GPR108: variants seen among roughly 807,000 people sequenced by gnomAD.
The protein encoded by GPR108 is protein GPR108.
GPR108 carries 60 observed loss-of-function variants against 74.3 expected under a neutral mutation model. That is an observed-to-expected ratio of 0.81 (90% CI 0.66 to 1.00). The LOEUF (loss-of-function observed/expected upper bound fraction) is 1.00, where lower values mean the gene tolerates loss of function less well. Ranked by LOEUF, GPR108 falls within the 50% of genes least tolerant of loss-of-function variation. GPR108 has a pLI of 0.00. For synonymous variants in GPR108, 311 were observed against 292.4 expected, an observed-to-expected ratio of 1.06 and a Z score of -0.65; for missense variants, 667 against 703.3, an observed-to-expected ratio of 0.95 and a Z score of 0.58.
rs563832565 is a variant in GPR108, at chr19:6,733,708, G to A, written c.619-34C>T. The A allele has an allele frequency of 4.4e-6, 7 of 1,599,682 alleles. No individual in the cohort carries two copies. The African/African-American group carries it at 6.7e-5, about 15-fold the overall frequency. ...GCGGGGAGAGAGGAGGGCTCAGCCT[G>A]GGGGACCCGTGGTCTGGGGCGACAA... On this transcript the variant is annotated intron_variant, in intron 7 of 17. Transcript: ENST00000264080.
chr19:6,733,706 C>G, intron 7 of GPR108, 32 bp from the exon 8 acceptor site: 1 of 1,602,702 alleles, frequency 6.2e-7, no homozygotes, highest in Non-Finnish European at 8.5e-7. Context: ...AGGGCTCAGC[C>G]TGGGGGACCC....
chr19:6,736,534 C>A (rs1302718372), intron 2 of GPR108, 58 bp downstream of exon 2: 4 of 1,555,164 alleles, frequency 2.6e-6, no homozygotes, highest in Non-Finnish European at 3.5e-6. Flanking sequence ...GAGCTGGGAA[C>A]CCAGAACCGG....
chr19:6,734,225 G>A lies in GPR108; in HGVS notation c.457C>T (p.Leu153Phe), dbSNP rs1968541033. The A allele has an allele frequency of 5.6e-6, 9 of 1,614,210 alleles. No individual in the cohort carries two copies. The African/African-American group carries it at 9.3e-5, about 17-fold the overall frequency. Reference sequence around the variant, plus strand: ...GGGACTGTGGCCTGTGGCTTCGGGAGCCCTGGTTTGGAGGGTGCTTCCGGG... The same window carrying A: ...GGGACTGTGGCCTGTGGCTTCGGGAACCCTGGTTTGGAGGGTGCTTCCGGG... ...LLPEAPSKPG[L>F]PKPQATVPRK... Residue 153 changes from leucine (L) to phenylalanine (F), a missense_variant, in exon 5 of 18, where the codon CTC (leucine) becomes TTC (phenylalanine). Coordinates refer to ENST00000264080, the MANE Select transcript of GPR108 (RefSeq NM_001080452.2).
intron 4 of GPR108, 177 bp downstream of exon 4, chr19:6,735,445 C>T: frequency 1.7e-6 from 1 of 601,844 alleles, no homozygotes; most frequent in Non-Finnish European, 3.0e-6. Context: ...GACACCAACA[C>T]CCGCGGAGTC....
Position 6,733,628 on chromosome 19 carries a change from A to G in GPR108, c.665T>C (p.Leu222Pro), listed in dbSNP as rs772826751. 12 of 1,614,012 alleles carry G rather than the reference A, an allele frequency of 7.4e-6. No homozygotes were observed. Among genetic ancestry groups the G allele is most frequent in the African/African-American group, 1.3e-5 (1 of 74,910 alleles). ...GSQAEEGQYS[L>P]NFHNCNNSVP... Reference sequence around the variant, plus strand: ...TGAATTGTTGCAGTTGTGGAAGTTCAGGCTGTACTGGCCTTCTTCCGCCTG... The same window carrying G: ...TGAATTGTTGCAGTTGTGGAAGTTCGGGCTGTACTGGCCTTCTTCCGCCTG... The change falls in exon 8 of 18, where the codon CTG (leucine) becomes CCG (proline). Residue 222 changes from leucine to proline, a missense_variant. By Grantham distance (98) the Leu-to-Pro change is moderately conservative (BLOSUM62 -3). Transcript: ENST00000264080.
rs1222350412 is a variant in GPR108 at position 6,730,284 on chromosome 19, G to A, written c.*28C>T. On this transcript the variant is annotated 3_prime_UTR_variant, in exon 18 of 18. Transcript: ENST00000264080. ...GGAGTGAGAAATGCTGGGGGAGGAC[G>A]ACCCTTTGGTCTGAGATGTGGAGGT... The A allele has an allele frequency of 1.2e-6, 2 of 1,600,630 alleles. No homozygotes were observed. Among genetic ancestry groups the A allele is most frequent in the Admixed American group, 1.7e-5 (1 of 59,966 alleles).
In GPR108 at chr19:6,732,144, G is replaced by A. The variant is rs779217809; in HGVS notation, c.1137C>T (p.Asn379=). 6 of 1,613,678 alleles carry A rather than the reference G, an allele frequency of 3.7e-6. No individual in the cohort carries two copies. The highest frequency in any genetic ancestry group is 2.2e-5 in the South Asian group (2 of 91,080). The stretch of plus-strand genomic sequence containing the variant: ...GGGACTCGATGATGATGTAGGCCAC[G>A]TTGGCCAGGACCTGCGCAGGCGGCG... The part of the protein sequence containing the change: ...GIVIPMQVLA[N]VAYIIIESRE... Residue 379 remains asparagine, a synonymous_variant, in exon 13 of 18, where the codon AAC becomes AAT. Coordinates refer to ENST00000264080, the MANE Select transcript of GPR108 (RefSeq NM_001080452.2).
At chr19:6,732,681 G>A (rs1404103515) in intron 10 of GPR108, 132 bp from the exon 11 acceptor site, 1 of 752,716 alleles carries the variant, frequency 1.3e-6, no homozygotes, top group East Asian at 2.7e-5. Flanking sequence ...GAGGACGGTG[G>A]GTGGGACTCA....
intron 2 of GPR108, among the ~76,000 whole-genome samples, chr19:6,736,180 G>C (rs947871022): frequency 6.6e-6 from 1 of 152,046 alleles, no homozygotes; most frequent in Non-Finnish European, 1.5e-5. Context: ...CTACAGCCTC[G>C]AACTCCCAGG....
rs373266020 is a variant in GPR108, at chr19:6,734,067, G to C, written c.500-13C>G. On this transcript the variant is annotated splice_polypyrimidine_tract_variant and intron_variant, in intron 5 of 17. Coordinates refer to ENST00000264080, the MANE Select transcript of GPR108 (RefSeq NM_001080452.2). Reference sequence around the variant, plus strand: ...GCAGAGGTCCCTCCTGTAAGAGACCGGGCAGTGATTTTAAGAGATGGATGG... The same window carrying C: ...GCAGAGGTCCCTCCTGTAAGAGACCCGGCAGTGATTTTAAGAGATGGATGG... 6.2e-7 allele frequency: 1 copy of C among 1,614,188 alleles called. No individual in the cohort carries two copies.
chr19:6,737,319 G>A lies in GPR108; in HGVS notation c.120+138C>T, dbSNP rs375364483. 110 of 1,138,476 alleles carry A rather than the reference G, an allele frequency of 9.7e-5. 1 individual carries two copies. The African/African-American group carries it at 1.6e-3, about 16-fold the overall frequency. The allele number at this position is 1,138,476 out of a possible 1,614,324, so 70.5% of individuals were successfully genotyped here. A position where few individuals can be genotyped will look rare whatever the true frequency, so the allele number is the denominator to read the frequency against. ...GGGGATCCCGGGACGAGACCACTCC[G>A]GGCCCGGAAACGGGGGGCGCCGGAC... On this transcript the variant is annotated intron_variant, in intron 1 of 17. Transcript: ENST00000264080.
chr19:6,732,159 C>T lies in GPR108; in HGVS notation c.1126-4G>A, dbSNP rs758641738. The T allele has an allele frequency of 1.1e-5, 18 of 1,613,224 alleles. No individual in the cohort carries two copies. In the Admixed American group the frequency reaches 1.2e-4, roughly 10 times the overall value. On this transcript the variant is annotated splice_region_variant and splice_polypyrimidine_tract_variant and intron_variant, in intron 12 of 17. Transcript: ENST00000264080. Reference sequence around the variant, plus strand: ...TGTAGGCCACGTTGGCCAGGACCTGCGCAGGCGGCGGGGGTGGGTGGGCAC... The same window carrying T: ...TGTAGGCCACGTTGGCCAGGACCTGTGCAGGCGGCGGGGGTGGGTGGGCAC...
rs371437557 is a variant in GPR108, at chr19:6,733,869, G to A, written c.594C>T (p.His198=). 32 of 1,614,042 alleles carry A rather than the reference G, an allele frequency of 2.0e-5. No individual in the cohort carries two copies. In the African/African-American group the frequency reaches 3.2e-4, roughly 16 times the overall value. Residue 198 remains histidine, a synonymous_variant, in exon 7 of 18, where the codon CAC becomes CAT. Coordinates refer to ENST00000264080, the MANE Select transcript of GPR108 (RefSeq NM_001080452.2). The stretch of plus-strand genomic sequence containing the variant: ...CACTGAAGTTGTAGGAGTTGTTGAG[G>A]TGGCTCAGGCCCAACACCAGGTCCT... ...KDKDLVLGLS[H]LNNSYNFSFH... is the part of the protein sequence containing the mutation.
rs758209895 is a variant in GPR108 at position 6,731,949 on chromosome 19, G to A, written c.1257-15C>T. 1 of 1,613,244 alleles carries A rather than the reference G, an allele frequency of 6.2e-7. No homozygotes were observed. The highest frequency in any genetic ancestry group is 8.5e-7 in the Non-Finnish European group (1 of 1,179,874). Reference sequence around the variant, plus strand: ...GCCGGATGGACCTGGGACAAGTGGAGGACACAGGGTACGGTCAGCGCGGAC... The same window carrying A: ...GCCGGATGGACCTGGGACAAGTGGAAGACACAGGGTACGGTCAGCGCGGAC... On this transcript the variant is annotated splice_polypyrimidine_tract_variant and intron_variant, in intron 13 of 17. Coordinates refer to ENST00000264080, the MANE Select transcript of GPR108 (RefSeq NM_001080452.2).
chr19:6,736,059 C>T (rs943995887), intron 2 of GPR108, 101 bp from the exon 3 acceptor site: 2 of 1,031,814 alleles, frequency 1.9e-6, no homozygotes, highest in Admixed American at 2.2e-5. Context: ...ATTTACTGAA[C>T]ACCTAACATG....
intron 10 of GPR108, 27 bp downstream of exon 10, chr19:6,732,960 C>G (rs1009400887): frequency 1.3e-6 from 2 of 1,556,404 alleles, no homozygotes; most frequent in Non-Finnish European, 1.7e-6. Flanking sequence ...GCCCACCCCC[C>G]GCTGCTCCCC....
At chr19:6,731,810 A>G in intron 14 of GPR108, 81 bp downstream of exon 14, 1 of 1,513,440 alleles carries the variant, frequency 6.6e-7, no homozygotes, top group Non-Finnish European at 9.1e-7. Flanking sequence ...AGAGGCCAGG[A>G]GGGGCATCCA....
intron 15 of GPR108, 43 bp downstream of exon 15, chr19:6,731,430 C>A (rs781132963): frequency 6.6e-7 from 1 of 1,515,100 alleles, no homozygotes; most frequent in Non-Finnish European, 8.8e-7. Context: ...TGCAGCAGGC[C>A]GGTAATCCCC....
chr19:6,731,937 G>C lies in GPR108; in HGVS notation c.1257-3C>G. On this transcript the variant is annotated splice_region_variant and splice_polypyrimidine_tract_variant and intron_variant, in intron 13 of 17. Transcript: ENST00000264080. The stretch of plus-strand genomic sequence containing the variant: ...CATCCTGGAGATGCCGGATGGACCT[G>C]GGACAAGTGGAGGACACAGGGTACG... 2.5e-6 allele frequency: 4 copies of C among 1,613,102 alleles called. No individual in the cohort carries two copies. The highest frequency in any genetic ancestry group is 3.4e-6 in the Non-Finnish European group (4 of 1,179,822).
Sources: allele counts gnomAD v4.1 joint callset (sites outside exome capture counted in the v4.1 genomes callset), GRCh38; gene constraint gnomAD v4.1.1; transcripts MANE v1.5; gene names NCBI Gene and HGNC (gene_info 2026-07-23, HGNC 2026-07-21).